Variants in CEP128 observed in about 807,000 individuals in gnomAD.
CEP128 encodes centrosomal protein 128, also known as centrosomal protein 128kDa.
Under a neutral mutation model 156.7 loss-of-function variants are expected in CEP128, and 132 were observed. The ratio of observed to expected loss-of-function variants is 0.84; its 90% CI spans 0.73 to 0.97. The LOEUF is 0.97. Among genes scored for constraint, CEP128 ranks in the 50% least tolerant of loss-of-function variants. CEP128 has a pLI of 0.00. For synonymous variants in CEP128, 469 were observed against 448.9 expected, an observed-to-expected ratio of 1.04 and a Z score of -0.57; for missense variants, 1,252 against 1,281.9, an observed-to-expected ratio of 0.98 and a Z score of 0.36.
At chr14:80,552,598 T>C (rs1455218699) in intron 21 of CEP128, among the ~76,000 whole-genome samples, 1 of 152,206 alleles carries the variant, frequency 6.6e-6, no homozygotes, top group Admixed American at 6.5e-5. Context: ...AAATTTTAAG[T>C]AAAATATATA....
intron 13 of CEP128, among the ~76,000 whole-genome samples, chr14:80,799,394 C>T (rs1160497396): frequency 1.3e-5 from 2 of 152,104 alleles, no homozygotes; most frequent in African/African-American, 2.4e-5. Flanking sequence ...GTTAAGCGTA[C>T]AGATTGATTG....
chr14:80,804,209 T>G lies in CEP128; in HGVS notation c.1210-11099A>C, dbSNP rs565753998. Among the ~76,000 whole-genome samples, 100 of 152,212 alleles carry G rather than the reference T, an allele frequency of 6.6e-4. 1 individual carries two copies. The highest frequency in any genetic ancestry group is 2.3e-3 in the South Asian group (11 of 4,818). ...AATATAAGTGTTTTGTTTATAAAAC[T>G]TTGGTATGCACACAATTAATTACAA... is the stretch of plus-strand genomic sequence containing the variant. On this transcript the variant is annotated intron_variant, in intron 13 of 24. Coordinates refer to ENST00000555265, the MANE Select transcript of CEP128 (RefSeq NM_152446.5).
intron 9 of CEP128, among the ~76,000 whole-genome samples, chr14:80,862,503 C>T (rs1479595787): frequency 1.3e-5 from 2 of 152,154 alleles, no homozygotes; most frequent in South Asian, 4.1e-4. Context: ...TAGGTCAATA[C>T]TATTATTATT....
intron 21 of CEP128, among the ~76,000 whole-genome samples, chr14:80,558,364 C>A (rs994700037): frequency 6.6e-6 from 1 of 152,052 alleles, no homozygotes; most frequent in Non-Finnish European, 1.5e-5. Context: ...TCTCGGCTCA[C>A]GGCAACCTCT....
chr14:80,921,339 T>C (rs1884849359), intron 2 of CEP128, among the ~76,000 whole-genome samples: 1 of 152,004 alleles, frequency 6.6e-6, no homozygotes, highest in Non-Finnish European at 1.5e-5. Flanking sequence ...ACTGGTGGTT[T>C]TACAAGAAGA....
chr14:80,781,752 T>C (rs1418297429), intron 15 of CEP128, among the ~76,000 whole-genome samples: 1 of 152,194 alleles, frequency 6.6e-6, no homozygotes, highest in East Asian at 1.9e-4. Context: ...GTATGACATA[T>C]GATATATTGT....
In CEP128 at chr14:80,534,606, A is replaced by G. The variant is rs143885720; in HGVS notation, c.2881-3720T>C. Among the ~76,000 whole-genome samples the G allele has an allele frequency of 2.5e-3, 386 of 152,276 alleles. 12 individuals are homozygous for G. The East Asian group carries it at 0.066, about 26-fold the overall frequency. On this transcript the variant is annotated intron_variant, in intron 21 of 24. Coordinates refer to ENST00000555265, the MANE Select transcript of CEP128 (RefSeq NM_152446.5). ...TTTGGGAGTCCGAGGCGGGTGGATC[A>G]TGAGGTCAGGAGATTGAGACCATCC...
chr14:80,626,192 C>T (rs758548681), intron 19 of CEP128, among the ~76,000 whole-genome samples: 18 of 151,894 alleles, frequency 1.2e-4, no homozygotes, highest in South Asian at 8.3e-4. Context: ...GGGCCGGGCG[C>T]GGTGGCTCAC....
chr14:80,503,369 T>C (rs1421998875), intron 24 of CEP128, among the ~76,000 whole-genome samples: 1 of 152,230 alleles, frequency 6.6e-6, no homozygotes, highest in Non-Finnish European at 1.5e-5. Flanking sequence ...CAATTGGTCA[T>C]GAAATGCTAG....
intron 9 of CEP128, among the ~76,000 whole-genome samples, chr14:80,854,150 CTTTATACTGA>C (rs947649319): frequency 2.5e-4 from 38 of 152,218 alleles, no homozygotes; most frequent in African/African-American, 8.7e-4. Flanking sequence ...TGAGTTAACA[CTTTATACTGA>C]TCAGATGGCA....
chr14:80,779,598 C>T (rs903042845), intron 15 of CEP128, among the ~76,000 whole-genome samples: 1 of 152,150 alleles, frequency 6.6e-6, no homozygotes, highest in Non-Finnish European at 1.5e-5. Context: ...GCCAACTGGG[C>T]TCTTCTCTTC....
At chr14:80,888,148 AC>A (rs1463784138) in intron 8 of CEP128, among the ~76,000 whole-genome samples, 1 of 152,158 alleles carries the variant, frequency 6.6e-6, no homozygotes, top group African/African-American at 2.4e-5. Flanking sequence ...TAGCCTACCA[AC>A]CAAAAAAAGC....
rs1287244054 is a variant in CEP128 at position 80,844,457 on chromosome 14, TACA to T, written c.763-3692_763-3690del. Among the ~76,000 whole-genome samples the T allele has an allele frequency of 7.9e-5, 12 of 152,236 alleles. No homozygotes were observed. The East Asian group carries it at 9.6e-4, about 12-fold the overall frequency. On this transcript the variant is annotated intron_variant, in intron 9 of 24. Transcript: ENST00000555265. ...CAATATTGATACTATTATGATACCA[TACA>T]TACTTGAGGGATATCAAAGTAAGGG...
intron 19 of CEP128, among the ~76,000 whole-genome samples, chr14:80,684,783 A>G (rs113934494): frequency 2.0e-5 from 3 of 152,220 alleles, no homozygotes; most frequent in African/African-American, 7.2e-5. Context: ...CCTAGGATAC[A>G]AGGTTCGTTC....
At chr14:80,674,878 A>C (rs1992972) in intron 19 of CEP128, among the ~76,000 whole-genome samples, 59,479 of 151,934 alleles carry the variant, frequency 0.39, 13,994 homozygotes, top group Non-Finnish European at 0.51. Flanking sequence ...GCTCCAATGC[A>C]TAAATGCAGC....
chr14:80,499,094 C>A (rs1050359170), intron 24 of CEP128, among the ~76,000 whole-genome samples: 2 of 152,224 alleles, frequency 1.3e-5, no homozygotes, highest in Non-Finnish European at 2.9e-5. Flanking sequence ...ACTGCACTTT[C>A]ATAGAATTAA....
At chr14:80,792,639 C>T (rs1350036031) in intron 14 of CEP128, 121 bp downstream of exon 14, 4 of 739,848 alleles carry the variant, frequency 5.4e-6, no homozygotes, top group East Asian at 5.0e-5. Flanking sequence ...CATAAGGATT[C>T]GTCTATCAAG....
chr14:80,756,782 C>A (rs1899682499), intron 18 of CEP128, 110 bp downstream of exon 18: 1 of 694,708 alleles, frequency 1.4e-6, no homozygotes, highest in Non-Finnish European at 2.5e-6. Context: ...TGCAATTAAG[C>A]ATTATAGCTT....
chr14:80,645,006 C>T (rs922951324), intron 19 of CEP128, among the ~76,000 whole-genome samples: 3 of 152,028 alleles, frequency 2.0e-5, no homozygotes, highest in African/African-American at 4.8e-5. Flanking sequence ...AGACTACAAA[C>T]GTTGATAAAT....
Sources: gnomAD v4.1 joint callset for allele counts (sites outside exome capture counted in the v4.1 genomes callset) on GRCh38, gnomAD v4.1.1 for gene constraint, MANE v1.5 for transcripts, NCBI Gene and HGNC (gene_info 2026-07-23, HGNC 2026-07-21) for gene names.